The following ROR1 variants were observed in gnomAD, a reference collection of about 807,000 sequenced individuals.
The protein encoded by ROR1 is ROR family WNT receptor 1, also known as inactive tyrosine-protein kinase transmembrane receptor ROR1.
A neutral mutation model predicts 78.8 loss-of-function variants in ROR1; 19 were observed. The ratio of observed to expected loss-of-function variants is 0.24; its 90% CI spans 0.17 to 0.35. The LOEUF (loss-of-function observed/expected upper bound fraction) is 0.35. Among genes scored for constraint, ROR1 ranks in the 10% least tolerant of loss-of-function variants. ROR1 has a pLI of 1.00. For synonymous variants in ROR1, 386 were observed against 433.6 expected, an observed-to-expected ratio of 0.89 and a Z score of 1.36; for missense variants, 917 against 1,177.8, an observed-to-expected ratio of 0.78 and a Z score of 3.24.
intron 2 of ROR1, among the ~76,000 whole-genome samples, chr1:64,025,462 G>T (rs1646600291): frequency 6.6e-6 from 1 of 152,110 alleles, no homozygotes; most frequent in Admixed American, 6.5e-5. Context: ...CAGAGGAAAA[G>T]AAGTCATTAT....
intron 1 of ROR1, among the ~76,000 whole-genome samples, chr1:63,830,572 C>T (rs775126975): frequency 1.4e-4 from 22 of 152,198 alleles, no homozygotes; most frequent in Non-Finnish European, 2.5e-4. Context: ...GGGGAAAGCA[C>T]CCCCATGATC....
intron 1 of ROR1, among the ~76,000 whole-genome samples, chr1:63,983,222 A>G (rs1646224250): frequency 1.3e-5 from 2 of 152,186 alleles, no homozygotes; most frequent in Admixed American, 6.5e-5. Context: ...TCCGCATTTT[A>G]CAGATATGGA....
At chr1:63,999,999 A>C (rs1028541564) in intron 1 of ROR1, among the ~76,000 whole-genome samples, 1 of 152,184 alleles carries the variant, frequency 6.6e-6, no homozygotes, top group Non-Finnish European at 1.5e-5. Context: ...TGAATTGGCC[A>C]GAGACAATTA....
At chr1:64,157,571 A>G (rs1423551025) in intron 7 of ROR1, among the ~76,000 whole-genome samples, 1 of 152,222 alleles carries the variant, frequency 6.6e-6, no homozygotes, top group Non-Finnish European at 1.5e-5. Flanking sequence ...GATATGCCAT[A>G]TCTCACCTGC....
At chr1:63,789,140 C>T (rs372280329) in intron 1 of ROR1, 1 of 601,080 alleles carries the variant, frequency 1.7e-6, no homozygotes, top group South Asian at 1.5e-5. Flanking sequence ...AATGGACAGT[C>T]ATTGGCTTGC....
rs141207042 is a variant in ROR1, at chr1:64,171,450, G to T, written c.1387-5978G>T. On this transcript the variant is annotated intron_variant, in intron 8 of 8. Transcript: ENST00000371079. ...AACATGTGGGAATTCAAGATGAGAT[G>T]TGAGTGGGGACACAGCCAAACCATA... Among the ~76,000 whole-genome samples, 807 of 152,276 alleles carry T rather than the reference G, an allele frequency of 5.3e-3. 9 individuals are homozygous for T. Among genetic ancestry groups the T allele is most frequent in the African/African-American group, 0.017 (714 of 41,562 alleles).
chr1:63,855,147 A>T (rs1645140440), intron 1 of ROR1, among the ~76,000 whole-genome samples: 1 of 152,134 alleles, frequency 6.6e-6, no homozygotes, highest in Non-Finnish European at 1.5e-5. Flanking sequence ...GGACAGTTCA[A>T]ATGTTTCCTC....
In ROR1 at chr1:64,177,775, T is replaced by G. The variant is rs781055151; in HGVS notation, c.1734T>G (p.Asp578Glu). Residue 578 changes from aspartate (D) to glutamate (E), a missense_variant, in exon 9 of 9, where the codon GAT becomes GAG. By Grantham distance (45) the Asp-to-Glu change is conservative. This residue lies in a region of ROR1 where 835 missense variants were observed against 1,069.8 expected (regional missense o/e 0.78). Coordinates refer to ENST00000371079, the MANE Select transcript of ROR1 (RefSeq NM_005012.4). ...ACTCTGATGTTGGCTGCAGCAGTGA[T>G]GAAGATGGGACTGTGAAATCCAGCC... is the stretch of plus-strand genomic sequence containing the variant. ...SPHSDVGCSSDEDGTVKSSLD... is the reference protein window; with the variant it reads ...SPHSDVGCSSEEDGTVKSSLD... 1.9e-6 allele frequency: 3 copies of G among 1,613,994 alleles called. No homozygotes were observed. The Admixed American group carries it at 5.0e-5, about 27-fold the overall frequency.
intron 2 of ROR1, among the ~76,000 whole-genome samples, chr1:64,022,536 GT>G (rs2100558101): frequency 6.6e-6 from 1 of 152,288 alleles, no homozygotes; most frequent in South Asian, 2.1e-4. Flanking sequence ...AACGCTAACT[GT>G]TTTTACTTAG....
intron 2 of ROR1, among the ~76,000 whole-genome samples, chr1:64,015,565 G>C (rs938285829): frequency 6.6e-6 from 1 of 152,186 alleles, no homozygotes; most frequent in Non-Finnish European, 1.5e-5. Context: ...CTATAGCTTA[G>C]AGCTTGATGC....
At chr1:63,878,089 C>A (rs182581075) in intron 1 of ROR1, among the ~76,000 whole-genome samples, 3 of 152,268 alleles carry the variant, frequency 2.0e-5, no homozygotes, top group Admixed American at 6.5e-5. Context: ...TCCTTTACAT[C>A]TGCTTCCTTG....
chr1:63,962,816 G>A (rs1436564085), intron 1 of ROR1, among the ~76,000 whole-genome samples: 1 of 152,146 alleles, frequency 6.6e-6, no homozygotes, highest in Admixed American at 6.5e-5. Flanking sequence ...TGGATGTGAT[G>A]GGATACACCC....
Position 64,178,642 on chromosome 1 carries a change from T to C in ROR1, c.2601T>C (p.His867=), listed in dbSNP as rs1316875850. Residue 867 remains histidine, a synonymous_variant, in exon 9 of 9, where the codon CAT becomes CAC. Transcript: ENST00000371079. The surrounding 1 kb of genome is among the most constrained non-coding windows in gnomAD (Gnocchi z 4.3). ...SSASGSTSTG[H]VTSLPSSGSN... is the part of the protein sequence containing the mutation. The stretch of plus-strand genomic sequence containing the variant: ...CCAGTGGGTCGACTAGCACTGGCCA[T>C]GTGACTAGCTTGCCCTCATCAGGAT... 6.2e-7 allele frequency: 1 copy of C among 1,614,014 alleles called. No individual in the cohort carries two copies. Among genetic ancestry groups the C allele is most frequent in the Non-Finnish European group, 8.5e-7 (1 of 1,180,038 alleles).
chr1:63,851,018 T>A (rs1449229168), intron 1 of ROR1, among the ~76,000 whole-genome samples: 2 of 152,182 alleles, frequency 1.3e-5, no homozygotes, highest in Non-Finnish European at 2.9e-5. Context: ...TCTTGCTCTG[T>A]CTCCAAGCTG....
intron 1 of ROR1, among the ~76,000 whole-genome samples, chr1:64,002,207 C>T (rs747546460): frequency 6.8e-5 from 10 of 147,880 alleles, no homozygotes; most frequent in African/African-American, 1.8e-4. Flanking sequence ...AGTCTTGGCT[C>T]GCTGCAACCT....
intron 1 of ROR1, among the ~76,000 whole-genome samples, chr1:63,891,950 C>T (rs767578302): frequency 5.3e-5 from 8 of 152,116 alleles, no homozygotes; most frequent in Non-Finnish European, 1.0e-4. Flanking sequence ...GACCCAACCC[C>T]CATAATGAAT....
intron 1 of ROR1, among the ~76,000 whole-genome samples, chr1:63,868,688 T>TCTG (rs1165033321): frequency 1.3e-5 from 2 of 152,120 alleles, no homozygotes; most frequent in Non-Finnish European, 2.9e-5. Context: ...CTGATAACCA[T>TCTG]GTGAGTTCAG....
At chr1:63,936,401 T>TA (rs1166361321) in intron 1 of ROR1, among the ~76,000 whole-genome samples, 2 of 152,192 alleles carry the variant, frequency 1.3e-5, no homozygotes, top group Non-Finnish European at 2.9e-5. Context: ...TGGTATTTCA[T>TA]AAAAAATGCA....
At position 64,178,739 on chromosome 1, in the gene ROR1, A is replaced by C; in HGVS notation, c.2698A>C (p.Thr900Pro). 6.2e-7 allele frequency: 1 copy of C among 1,614,136 alleles called. No homozygotes were observed. The highest frequency in any genetic ancestry group is 8.5e-7 in the Non-Finnish European group (1 of 1,180,020). Residue 900 changes from threonine to proline, a missense_variant, in exon 9 of 9, where the codon ACC (threonine) becomes CCC (proline). Coordinates refer to ENST00000371079, the MANE Select transcript of ROR1 (RefSeq NM_005012.4). The surrounding 1 kb of genome is among the most constrained non-coding windows in gnomAD (Gnocchi z 4.3). The stretch of plus-strand genomic sequence containing the variant: ...AAATCATCCTGGTGGAATGGGTATC[A>C]CCGTTTTTGGCAACAAATCTCAAAA... ...IPNHPGGMGI[T>P]VFGNKSQKPY... is the part of the protein sequence containing the mutation.
Sources: gnomAD v4.1 joint callset for allele counts (sites outside exome capture counted in the v4.1 genomes callset) on GRCh38, gnomAD v4.1.1 for gene constraint, gnomAD v4.1.1 regional missense constraint, Gnocchi (gnomAD v3.1) non-coding constraint, MANE v1.5 for transcripts, NCBI Gene and HGNC (gene_info 2026-07-23, HGNC 2026-07-21) for gene names.